Variants in ZNF43 observed in about 807,000 individuals in gnomAD.
The protein encoded by ZNF43 is zinc finger protein 43, also known as zinc finger protein 39-like 1 (KOX 27).
In ZNF43, 44 loss-of-function variants were observed where a neutral mutation model predicts 68.4. The ratio of observed to expected loss-of-function variants is 0.64; its 90% CI spans 0.51 to 0.83. ZNF43 has a LOEUF of 0.83. Ranked by LOEUF, ZNF43 falls within the 40% of genes least tolerant of loss-of-function variation. The probability of loss-of-function intolerance (pLI) is 0.00; values close to 1 mark genes in which losing one functional copy is unlikely to be tolerated. For synonymous variants in ZNF43, 308 were observed against 307.8 expected (o/e 1.00, Z -0.01); for missense variants, 896 against 933.2 (o/e 0.96, Z 0.52).
In ZNF43 at chr19:21,807,461, C is replaced by A. The variant is rs6511296; in HGVS notation, c.*146G>T. ...AAATTCTTTCCTGTGCAATAAGGTA[C>A]GAGCATTAATTAAAAGTTTTGCCAC... On this transcript the variant is annotated 3_prime_UTR_variant, in exon 4 of 4. Transcript: ENST00000354959. The A allele has an allele frequency of 2.6e-5, 20 of 759,350 alleles. No individual in the cohort carries two copies. In the South Asian group the frequency reaches 4.2e-4, roughly 16 times the overall value. The allele number at this position is 759,350 out of a possible 1,614,324, so 47.0% of individuals were successfully genotyped here.
chr19:21,808,634 T>C lies in ZNF43; in HGVS notation c.1403A>G (p.Asn468Ser), dbSNP rs2037095610. 6.2e-7 allele frequency: 1 copy of C among 1,612,804 alleles called. No individual in the cohort carries two copies. Among genetic ancestry groups the C allele is most frequent in the African/African-American group, 1.3e-5 (1 of 74,678 alleles). Residue 468 changes from asparagine (N) to serine (S), a missense_variant, in exon 4 of 4, where the codon AAC becomes AGC. By Grantham distance (46) the Asn-to-Ser change is conservative. Coordinates refer to ENST00000354959, the MANE Select transcript of ZNF43 (RefSeq NM_003423.4). ...VCGKAFNQFS[N>S]LTTHKRIHTA... ...ATGAATTCTCTTATGTGTAGTAAGG[T>C]TTGAGAACTGGTTAAAGGCTTTGCC... is the stretch of plus-strand genomic sequence containing the variant.
intron 2 of ZNF43, among the ~76,000 whole-genome samples, chr19:21,818,832 G>A (rs1198397986): frequency 6.6e-6 from 1 of 152,000 alleles, no homozygotes; most frequent in African/African-American, 2.4e-5. Context: ...TTTAAGTTGT[G>A]GGCAACAGTA....
At chr19:21,831,578 C>T (rs2038427800) in intron 1 of ZNF43, among the ~76,000 whole-genome samples, 1 of 152,008 alleles carries the variant, frequency 6.6e-6, no homozygotes, top group Non-Finnish European at 1.5e-5. Context: ...CCAGGCTGAC[C>T]TCGAACTCCT....
Position 21,808,721 on chromosome 19 carries a change from G to A in ZNF43, c.1316C>T (p.Ser439Leu), listed in dbSNP as rs2037104158. The A allele has an allele frequency of 4.3e-6, 7 of 1,612,698 alleles. No individual in the cohort carries two copies. The highest frequency in any genetic ancestry group is 5.9e-6 in the Non-Finnish European group (7 of 1,179,818). Residue 439 changes from serine to leucine, a missense_variant, in exon 4 of 4, where the codon TCA (serine) becomes TTA (leucine). Transcript: ENST00000354959. ...EECGKAFNWP[S>L]TLTKHNRIHT... ...AATTCTGTTATGTTTAGTAAGGGTT[G>A]AGGGCCAGTTAAAGGCTTTGCCACA...
chr19:21,845,893 C>CAAAA (rs34109698), intron 1 of ZNF43, among the ~76,000 whole-genome samples: 1 of 125,994 alleles, frequency 7.9e-6, no homozygotes, highest in African/African-American at 3.0e-5. Flanking sequence ...AACTCTGTCT[C>CAAAA]AAAAAAAAAA....
rs1403975552 is a variant in ZNF43 at position 21,805,660 on chromosome 19, A to C, written c.*1947T>G. 2.0e-5 allele frequency: 3 copies of C among 152,078 alleles called. No homozygotes were observed. The highest frequency in any genetic ancestry group is 4.4e-5 in the Non-Finnish European group (3 of 68,004). 9.4% of individuals were successfully genotyped at this position (152,078 alleles called of 1,614,324 possible). A position where few individuals can be genotyped will look rare whatever the true frequency, so the allele number is the denominator to read the frequency against. On this transcript the variant is annotated 3_prime_UTR_variant, in exon 4 of 4. Transcript: ENST00000354959. Reference sequence around the variant, plus strand: ...AACAAAAAAAATTATGAATAGCACAAAGAATAAAATAAGGTAATTAAAATC... The same window carrying C: ...AACAAAAAAAATTATGAATAGCACACAGAATAAAATAAGGTAATTAAAATC...
intron 3 of ZNF43, chr19:21,812,074 G>T (rs2037300623): frequency 2.5e-6 from 1 of 397,938 alleles, no homozygotes; most frequent in Non-Finnish European, 4.4e-6. Context: ...ATGAGTGAAA[G>T]TATTTGTAAA....
intron 1 of ZNF43, among the ~76,000 whole-genome samples, chr19:21,832,175 T>C (rs1391766341): frequency 1.3e-5 from 2 of 152,154 alleles, no homozygotes; most frequent in Non-Finnish European, 2.9e-5. Flanking sequence ...GGTACTGTTA[T>C]AGAAACAAAC....
chr19:21,844,644 T>C (rs1404284882), intron 1 of ZNF43, among the ~76,000 whole-genome samples: 1 of 151,672 alleles, frequency 6.6e-6, no homozygotes, highest in Admixed American at 6.6e-5. Context: ...ACACCTGTAA[T>C]CCCAGCACTT....
intron 1 of ZNF43, among the ~76,000 whole-genome samples, chr19:21,828,761 CG>C (rs1205684668): frequency 2.7e-5 from 4 of 146,426 alleles, no homozygotes; most frequent in African/African-American, 5.1e-5. Flanking sequence ...CAGCCGGACG[CG>C]GTGGCTCACG....
intron 1 of ZNF43, among the ~76,000 whole-genome samples, chr19:21,834,808 G>T (rs2038616055): frequency 6.7e-6 from 1 of 149,344 alleles, no homozygotes; most frequent in South Asian, 2.1e-4. Flanking sequence ...AAAGAAGAAG[G>T]AAAGAAGAAA....
chr19:21,807,722 T>A lies in ZNF43; in HGVS notation c.2315A>T (p.Asn772Ile), dbSNP rs2037010651. ...ATGTGTAGTAAGGTTTGAATATTGG[T>A]TGAAAGCTTTGCCACATTCTTTACA... ...YKCKECGKAF[N>I]QYSNLTTHNK... Residue 772 changes from asparagine to isoleucine, a missense_variant, in exon 4 of 4, where the codon AAC (asparagine) becomes ATC (isoleucine). Transcript: ENST00000354959. The A allele has an allele frequency of 6.2e-7, 1 of 1,613,648 alleles. No homozygotes were observed. Among genetic ancestry groups the A allele is most frequent in the Non-Finnish European group, 8.5e-7 (1 of 1,179,782 alleles).
At chr19:21,825,101 G>C (rs913962344) in intron 1 of ZNF43, among the ~76,000 whole-genome samples, 2 of 152,104 alleles carry the variant, frequency 1.3e-5, no homozygotes, top group African/African-American at 4.8e-5. Context: ...GGGCATGTTG[G>C]CATATGCTTG....
chr19:21,830,875 CCAGCAGCA>C (rs2038393316), intron 1 of ZNF43, among the ~76,000 whole-genome samples: 1 of 152,112 alleles, frequency 6.6e-6, no homozygotes, highest in South Asian at 2.1e-4. Flanking sequence ...CAAACTGAAT[CCAGCAGCA>C]CATCAAAAAG....
chr19:21,813,217 T>C (rs1323982020), intron 3 of ZNF43, among the ~76,000 whole-genome samples: 1 of 149,948 alleles, frequency 6.7e-6, no homozygotes, highest in Non-Finnish European at 1.5e-5. Context: ...GACTCCAGCC[T>C]AGGCGACAAG....
chr19:21,850,238 C>T (rs1159222335), intron 1 of ZNF43, among the ~76,000 whole-genome samples: 3 of 152,280 alleles, frequency 2.0e-5, no homozygotes, highest in East Asian at 1.9e-4. Flanking sequence ...GTGATTGATG[C>T]AGAGATATGT....
intron 1 of ZNF43, among the ~76,000 whole-genome samples, chr19:21,850,722 C>T (rs1445472099): frequency 6.6e-6 from 1 of 152,150 alleles, no homozygotes; most frequent in African/African-American, 2.4e-5. Flanking sequence ...AACAATGCAC[C>T]TTGTGGACAG....
At chr19:21,811,187 A>G (rs1298775112) in intron 3 of ZNF43, among the ~76,000 whole-genome samples, 2 of 152,206 alleles carry the variant, frequency 1.3e-5, no homozygotes, top group African/African-American at 2.4e-5. Flanking sequence ...ATAAAATTCA[A>G]TGGTACAATT....
chr19:21,822,084 C>T (rs908896098), intron 1 of ZNF43, among the ~76,000 whole-genome samples: 1 of 41,878 alleles, frequency 2.4e-5, no homozygotes, highest in South Asian at 7.7e-4. Flanking sequence ...AAAAGTTCAC[C>T]TATTTTTGTC....
Sources: gnomAD v4.1 joint callset for allele counts (sites outside exome capture counted in the v4.1 genomes callset) on GRCh38, gnomAD v4.1.1 for gene constraint, MANE v1.5 for transcripts, NCBI Gene and HGNC (gene_info 2026-07-23, HGNC 2026-07-21) for gene names.